The following CDKL4 variants were observed in gnomAD, a reference collection of about 807,000 sequenced individuals.
CDKL4 encodes the protein cyclin-dependent kinase-like 4.
In CDKL4, 44 loss-of-function variants were observed where a neutral mutation model predicts 42.0. The ratio of observed to expected loss-of-function variants is 1.05; its 90% CI spans 0.82 to 1.35. The LOEUF (loss-of-function observed/expected upper bound fraction) is 1.35. CDKL4 is among the 40% of genes most tolerant of loss of function. The pLI is 0.00. For missense variants in CDKL4, 393 were observed against 369.9 expected (o/e 1.06, Z -0.51); for synonymous variants, 120 against 121.6 (o/e 0.99, Z 0.09).
At chr2:39,182,426 T>G (rs1675491417) in intron 8 of CDKL4, among the ~76,000 whole-genome samples, 1 of 152,242 alleles carries the variant, frequency 6.6e-6, no homozygotes, top group African/African-American at 2.4e-5. Flanking sequence ...CCATGGAGTC[T>G]GAGCTGGAAC....
chr2:39,187,808 C>T (rs1055569221), intron 6 of CDKL4, 99 bp from the exon 7 acceptor site: 25 of 745,402 alleles, frequency 3.4e-5, no homozygotes, highest in Non-Finnish European at 5.4e-5. Context: ...TGGCTCACAC[C>T]TGTAATTCCA....
chr2:39,238,741 AATTTT>A (rs1442717078), intron 1 of CDKL4, among the ~76,000 whole-genome samples: 1 of 150,990 alleles, frequency 6.6e-6, no homozygotes, highest in African/African-American at 2.4e-5. Context: ...TGACTTTTAA[AATTTT>A]ATTTTATTTT....
chr2:39,240,004 T>C (rs7583149), intron 1 of CDKL4, among the ~76,000 whole-genome samples: 143,092 of 151,652 alleles, frequency 0.94, 67,642 homozygotes, highest in African/African-American at 0.99. Flanking sequence ...GCAGGAGAAT[T>C]GCTTGAACCT....
chr2:39,225,951 G>A (rs753956046), exon 3 of CDKL4: 1 of 1,608,562 alleles, frequency 6.2e-7, no homozygotes, highest in East Asian at 2.3e-5. Flanking sequence ...AGATTTGGAT[G>A]TTTTAATTGC....
chr2:39,176,871 T>A (rs559909051), intron 9 of CDKL4, among the ~76,000 whole-genome samples: 1 of 152,196 alleles, frequency 6.6e-6, no homozygotes, highest in African/African-American at 2.4e-5. Context: ...TTTTCTGACA[T>A]GGTAAAATAT....
Position 39,243,870 on chromosome 2 carries a change from C to G in CDKL4, c.-57+1G>C, listed in dbSNP as rs1381009759. ...CCGCCACCGGCAGAATCCGCACTTACTGCACCCACAGGGCGACGGTGACGA... is the reference window on the plus strand; with the variant it reads ...CCGCCACCGGCAGAATCCGCACTTAGTGCACCCACAGGGCGACGGTGACGA... On this transcript the variant is annotated splice_donor_variant, in intron 1 of 9. Transcript: ENST00000451199. LOFTEE classifies it low-confidence loss of function (5UTR_SPLICE). Among the ~76,000 whole-genome samples, 1 of 152,268 alleles carries G rather than the reference C, an allele frequency of 6.6e-6. No individual in the cohort carries two copies. The highest frequency in any genetic ancestry group is 1.5e-5 in the Non-Finnish European group (1 of 68,042).
At chr2:39,172,964 G>A (rs559450926), downstream of CDKL4, among the ~76,000 whole-genome samples, 3 of 152,112 alleles carry the variant, frequency 2.0e-5, no homozygotes, top group Non-Finnish European at 4.4e-5. Flanking sequence ...CCTCCCCAGT[G>A]ACACCTAAGT....
chr2:39,170,976 T>G (rs1312815987), downstream of CDKL4, among the ~76,000 whole-genome samples: 1 of 151,976 alleles, frequency 6.6e-6, no homozygotes, highest in Non-Finnish European at 1.5e-5. Flanking sequence ...TCAGGCTCAT[T>G]CCTGTAATCT....
At chr2:39,224,979 G>T (rs1032807689) in intron 3 of CDKL4, among the ~76,000 whole-genome samples, 1 of 152,100 alleles carries the variant, frequency 6.6e-6, no homozygotes, top group African/African-American at 2.4e-5. Context: ...ATTTCCAAAA[G>T]CTATGTTTTG....
chr2:39,230,074 A>G (rs1181479732), intron 1 of CDKL4, among the ~76,000 whole-genome samples: 1 of 152,244 alleles, frequency 6.6e-6, no homozygotes, highest in Non-Finnish European at 1.5e-5. Flanking sequence ...CCATTGAACA[A>G]AGCAGTCTTT....
chr2:39,199,634 T>G (rs1676728941), intron 5 of CDKL4, among the ~76,000 whole-genome samples: 1 of 152,066 alleles, frequency 6.6e-6, no homozygotes, highest in Non-Finnish European at 1.5e-5. Flanking sequence ...AAAAAGATAA[T>G]CCACCATGAT....
intron 6 of CDKL4, among the ~76,000 whole-genome samples, chr2:39,188,335 G>T (rs1316637188): frequency 6.6e-6 from 1 of 151,868 alleles, no homozygotes; most frequent in Non-Finnish European, 1.5e-5. Context: ...GGCAGAGGGA[G>T]GTGGATCACG....
At chr2:39,173,527 G>C (rs1263549720), downstream of CDKL4, among the ~76,000 whole-genome samples, 1 of 151,606 alleles carries the variant, frequency 6.6e-6, no homozygotes, top group Non-Finnish European at 1.5e-5. Flanking sequence ...AAATTAGCTG[G>C]AGCCGGGCGC....
chr2:39,246,538 C>T (rs1679920804), upstream of CDKL4, among the ~76,000 whole-genome samples: 1 of 152,214 alleles, frequency 6.6e-6, no homozygotes, highest in Non-Finnish European at 1.5e-5. Flanking sequence ...CAGCTTCCTG[C>T]CCTATTACTC....
At chr2:39,228,649 C>G (rs1011248014) in intron 2 of CDKL4, among the ~76,000 whole-genome samples, 5 of 152,146 alleles carry the variant, frequency 3.3e-5, no homozygotes, top group African/African-American at 1.2e-4. Context: ...AACTCAGAAT[C>G]TGCATTTCAA....
intron 3 of CDKL4, among the ~76,000 whole-genome samples, chr2:39,219,089 A>G (rs1430068474): frequency 6.6e-6 from 1 of 152,214 alleles, no homozygotes; most frequent in Non-Finnish European, 1.5e-5. Context: ...CTTGTCCGTT[A>G]TTATAGCCCC....
intron 5 of CDKL4, among the ~76,000 whole-genome samples, chr2:39,196,223 T>C (rs1676508440): frequency 6.6e-6 from 1 of 152,110 alleles, no homozygotes. Context: ...ATAAAACCAG[T>C]GTGCTTAACA....
upstream of CDKL4, among the ~76,000 whole-genome samples, chr2:39,244,766 T>G (rs538695653): frequency 4.5e-4 from 68 of 152,318 alleles, 1 homozygote; most frequent in African/African-American, 1.6e-3. Context: ...TGGAGAACAT[T>G]TATGTCTAGC....
At chr2:39,238,372 A>T (rs1679477433) in intron 1 of CDKL4, among the ~76,000 whole-genome samples, 1 of 152,192 alleles carries the variant, frequency 6.6e-6, no homozygotes, top group South Asian at 2.1e-4. Context: ...GTTTGAGGCT[A>T]CATTGAGTTA....
Sources: allele counts gnomAD v4.1 joint callset (sites outside exome capture counted in the v4.1 genomes callset), GRCh38; gene constraint gnomAD v4.1.1; transcripts MANE v1.5; gene names NCBI Gene and HGNC (gene_info 2026-07-23, HGNC 2026-07-21).